Variants in DCDC1 observed in about 807,000 individuals in gnomAD.
DCDC1 encodes doublecortin domain containing 1.
A neutral mutation model predicts 178.3 loss-of-function variants in DCDC1; 200 were observed. The ratio of observed to expected loss-of-function variants is 1.12; its 90% confidence interval spans 1.00 to 1.26. The LOEUF is 1.26. Among genes scored for constraint, DCDC1 ranks in the 50% most tolerant of loss-of-function variants. The pLI, the probability that DCDC1 is intolerant of heterozygous loss-of-function variation, is 0.00. For synonymous variants in DCDC1, 690 were observed against 604.8 expected, an observed-to-expected ratio of 1.14 and a Z score of -2.07; for missense variants, 1,983 against 1,749.2, an observed-to-expected ratio of 1.13 and a Z score of -2.38.
chr11:31,168,507 G>C (rs1396639704), intron 9 of DCDC1, among the ~76,000 whole-genome samples: 2 of 152,192 alleles, frequency 1.3e-5, no homozygotes, highest in East Asian at 3.8e-4. Flanking sequence ...CATAATGCTT[G>C]ATGCTTAAAC....
intron 21 of DCDC1, among the ~76,000 whole-genome samples, chr11:30,935,147 G>A (rs1947194620): frequency 6.6e-6 from 1 of 152,166 alleles, no homozygotes; most frequent in African/African-American, 2.4e-5. Context: ...ATTTGGCAGG[G>A]AGACCTTGGC....
intron 18 of DCDC1, among the ~76,000 whole-genome samples, chr11:31,075,675 A>T (rs1428120856): frequency 6.6e-6 from 1 of 152,074 alleles, no homozygotes; most frequent in African/African-American, 2.4e-5. Context: ...CTTGTTGGCC[A>T]TTTGTATGTC....
chr11:30,887,092 T>C (rs879486808), intron 36 of DCDC1, among the ~76,000 whole-genome samples: 5 of 152,030 alleles, frequency 3.3e-5, no homozygotes, highest in East Asian at 1.9e-4. Context: ...GAAAAAAAAA[T>C]TAAATATGAA....
chr11:31,028,453 G>C (rs1953398439), intron 20 of DCDC1, among the ~76,000 whole-genome samples: 1 of 151,870 alleles, frequency 6.6e-6, no homozygotes, highest in Non-Finnish European at 1.5e-5. Flanking sequence ...TAGAGTTACT[G>C]ATGCCCTGTC....
At chr11:30,977,046 G>A (rs1303169152) in intron 20 of DCDC1, among the ~76,000 whole-genome samples, 1 of 152,104 alleles carries the variant, frequency 6.6e-6, no homozygotes, top group Admixed American at 6.6e-5. Flanking sequence ...GATGAAACTA[G>A]AGGTCATTAT....
rs552264291 is a variant in DCDC1 at position 30,980,280 on chromosome 11, C to T, written c.2592-27712G>A. On this transcript the variant is annotated intron_variant, in intron 20 of 38. Transcript: ENST00000684477. ...CAACTTCCCTGGGCCTCCTGCTTCA[C>T]TCAGTGGGCAATGAGTCCATGAAAC... is the stretch of plus-strand genomic sequence containing the variant. Among the ~76,000 whole-genome samples, 167 of 152,320 alleles carry T rather than the reference C, an allele frequency of 1.1e-3. 1 individual carries two copies. Among genetic ancestry groups the T allele is most frequent in the Non-Finnish European group, 2.3e-3 (158 of 68,026 alleles).
At chr11:30,965,578 TTTTG>T (rs1415452045) in intron 20 of DCDC1, among the ~76,000 whole-genome samples, 10 of 145,824 alleles carry the variant, frequency 6.9e-5, no homozygotes, top group African/African-American at 1.8e-4. Context: ...TAATATTGTT[TTTTG>T]TTTGTTTGTT....
intron 9 of DCDC1, among the ~76,000 whole-genome samples, chr11:31,164,909 G>C (rs1344126339): frequency 3.3e-5 from 5 of 152,128 alleles, no homozygotes; most frequent in Admixed American, 6.5e-5. Context: ...TTCGTGGTAA[G>C]TGCCCTGTAC....
At chr11:31,123,953 G>A (rs1961192367) in intron 11 of DCDC1, among the ~76,000 whole-genome samples, 1 of 151,988 alleles carries the variant, frequency 6.6e-6, no homozygotes, top group African/African-American at 2.4e-5. Flanking sequence ...TTACTAGACA[G>A]CATAGTGAAT....
At chr11:30,941,054 A>G (rs1445978908) in intron 21 of DCDC1, among the ~76,000 whole-genome samples, 2 of 152,160 alleles carry the variant, frequency 1.3e-5, no homozygotes, top group Non-Finnish European at 2.9e-5. Context: ...TTAGCTATTT[A>G]TTTTTAACTT....
intron 32 of DCDC1, among the ~76,000 whole-genome samples, chr11:30,901,657 C>T (rs560382127): frequency 2.6e-5 from 4 of 152,220 alleles, no homozygotes; most frequent in African/African-American, 9.6e-5. Flanking sequence ...CAAAAGAATG[C>T]CCTTTTGATA....
chr11:30,994,231 A>C (rs985208320), intron 20 of DCDC1, among the ~76,000 whole-genome samples: 1 of 152,176 alleles, frequency 6.6e-6, no homozygotes, highest in Non-Finnish European at 1.5e-5. Context: ...ATGCAGAAAA[A>C]TTATCCAACA....
At chr11:31,177,796 T>C (rs1004738308) in intron 9 of DCDC1, among the ~76,000 whole-genome samples, 1 of 152,024 alleles carries the variant, frequency 6.6e-6, no homozygotes, top group Non-Finnish European at 1.5e-5. Context: ...AATATAATAA[T>C]AAAGGGCTCA....
intron 7 of DCDC1, among the ~76,000 whole-genome samples, chr11:31,279,955 T>C (rs1946306489): frequency 6.6e-6 from 1 of 152,046 alleles, no homozygotes; most frequent in African/African-American, 2.4e-5. Flanking sequence ...TTACATAAAA[T>C]TATTTCTCAA....
chr11:30,873,188 AG>A (rs1186323999), intron 38 of DCDC1, among the ~76,000 whole-genome samples: 1 of 151,092 alleles, frequency 6.6e-6, no homozygotes, highest in Admixed American at 6.6e-5. Flanking sequence ...GCTAGCTTAG[AG>A]GGTGGGGTAG....
intron 38 of DCDC1, among the ~76,000 whole-genome samples, chr11:30,873,908 G>A (rs1481238614): frequency 6.6e-6 from 1 of 152,118 alleles, no homozygotes; most frequent in Non-Finnish European, 1.5e-5. Context: ...GCAGCTTAAT[G>A]AACATGGAAA....
At chr11:31,171,149 ACAGTT>A (rs1967177935) in intron 9 of DCDC1, among the ~76,000 whole-genome samples, 1 of 152,150 alleles carries the variant, frequency 6.6e-6, no homozygotes, top group Non-Finnish European at 1.5e-5. Flanking sequence ...TTTTGATGTG[ACAGTT>A]CTATACCAGA....
rs375140140 is a variant in DCDC1 at position 31,046,023 on chromosome 11, T to C, written c.2591+18446A>G. Among the ~76,000 whole-genome samples, 6 of 152,184 alleles carry C rather than the reference T, an allele frequency of 3.9e-5. No individual in the cohort carries two copies. The East Asian group carries it at 5.8e-4, about 15-fold the overall frequency. On this transcript the variant is annotated intron_variant, in intron 20 of 38. Transcript: ENST00000684477. ...ATGCACTCATGTGTGTGTGTTTGCA[T>C]GTGTGTGTAGCTCTACTCAATTCCA...
intron 20 of DCDC1, among the ~76,000 whole-genome samples, chr11:30,973,070 G>A (rs1430738824): frequency 2.6e-5 from 4 of 151,894 alleles, no homozygotes; most frequent in Non-Finnish European, 4.4e-5. Flanking sequence ...TCAGGAGTTC[G>A]AGACCAGCCT....
Sources: gnomAD v4.1 joint callset for allele counts (sites outside exome capture counted in the v4.1 genomes callset) on GRCh38, gnomAD v4.1.1 for gene constraint, MANE v1.5 for transcripts, NCBI Gene and HGNC (gene_info 2026-07-23, HGNC 2026-07-21) for gene names.